Variants in FDFT1 observed in about 807,000 individuals in gnomAD.
FDFT1 encodes farnesyl-diphosphate farnesyltransferase 1, also known as squalene synthase.
Under a neutral mutation model 46.8 loss-of-function variants are expected in FDFT1, and 68 were observed. That is an observed-to-expected ratio of 1.45 (90% CI 1.19 to 1.78). The LOEUF (loss-of-function observed/expected upper bound fraction) is 1.78, where lower values mean the gene tolerates loss of function less well. FDFT1 is among the 40% of genes most tolerant of loss of function. FDFT1 has a pLI of 0.00. For missense variants in FDFT1, 928 were observed against 524.4 expected (o/e 1.77, Z -7.52); for synonymous variants, 351 against 185.1 (o/e 1.90, Z -7.28).
rs762206246 is a variant in FDFT1 at position 11,831,549 on chromosome 8, A to G, written c.911A>G (p.Tyr304Cys). ...GCCATTGCCACTTTGGCTGCCTGTT[A>G]TAATAACCAGCAGGTGTTCAAAGGG... ...VMAIATLAAC[Y>C]NNQQVFKGAV... Residue 304 changes from tyrosine (Y) to cysteine (C), a missense_variant, in exon 7 of 8, where the codon TAT becomes TGT. Physicochemically the swap from Tyr to Cys is radical, Grantham distance 194. Coordinates refer to ENST00000220584, the MANE Select transcript of FDFT1 (RefSeq NM_004462.5). 37 of 1,613,992 alleles carry G rather than the reference A, an allele frequency of 2.3e-5. No individual in the cohort carries two copies. Among genetic ancestry groups the G allele is most frequent in the Admixed American group, 3.3e-5 (2 of 60,010 alleles).
chr8:11,803,109 C>A (rs1193653041), intron 1 of FDFT1, 178 bp downstream of exon 1: 1 of 1,428,872 alleles, frequency 7.0e-7, no homozygotes, highest in African/African-American at 1.4e-5. Flanking sequence ...TGGACGCGGC[C>A]GTCCTGGCTG....
intron 4 of FDFT1, 44 bp downstream of exon 4, chr8:11,821,922 A>G: frequency 6.3e-7 from 1 of 1,597,762 alleles, no homozygotes; most frequent in Non-Finnish European, 8.6e-7. Context: ...TATTAGACAG[A>G]GCTGGCAGTC....
chr8:11,802,314 A>G (rs888296461), upstream of FDFT1: 2 of 399,870 alleles, frequency 5.0e-6, no homozygotes. Flanking sequence ...CCGAGGCCGG[A>G]CACGTGGGCG....
At position 11,816,610 on chromosome 8, in the gene FDFT1, G is replaced by A. The variant is rs145837927; in HGVS notation, c.382-5140G>A. 3.4e-3 allele frequency among the ~76,000 whole-genome samples: 516 copies of A among 152,172 alleles called. 4 individuals are homozygous for A. Among genetic ancestry groups the A allele is most frequent in the South Asian group, 9.5e-3 (46 of 4,820 alleles). On this transcript the variant is annotated intron_variant, in intron 3 of 7. Transcript: ENST00000220584. The stretch of plus-strand genomic sequence containing the variant: ...TCCCTTGTAAGTTGGATTCCTAGGT[G>A]TTGTATTCTCTTTGTAGCTATTGTG...
chr8:11,825,433 A>G (rs1035046586), intron 4 of FDFT1, among the ~76,000 whole-genome samples: 1 of 151,604 alleles, frequency 6.6e-6, no homozygotes, highest in Non-Finnish European at 1.5e-5. Flanking sequence ...CCAGCTACTC[A>G]GGAAGCTGAG....
Position 11,831,634 on chromosome 8 carries a change from A to G in FDFT1, c.996A>G (p.Pro332=), listed in dbSNP as rs372448616. ...TGATGATGGATGCCACCAATATGCC[A>G]GCTGTCAAAGCCATCATATATCAGT... ...VTLMMDATNM[P]AVKAIIYQYM... The change falls in exon 7 of 8, where the codon CCA becomes CCG. Residue 332 remains proline, a synonymous_variant. Transcript: ENST00000220584. 6.8e-6 allele frequency: 11 copies of G among 1,613,964 alleles called. No individual in the cohort carries two copies. The highest frequency in any genetic ancestry group is 3.3e-5 in the Admixed American group (2 of 60,012).
intron 2 of FDFT1, 79 bp from the exon 3 acceptor site, chr8:11,809,588 G>C (rs980913005): frequency 3.7e-5 from 52 of 1,417,376 alleles, no homozygotes; most frequent in Non-Finnish European, 4.4e-5. Flanking sequence ...TTTAGAAAGT[G>C]GCCAGGCACA....
intron 5 of FDFT1, among the ~76,000 whole-genome samples, chr8:11,827,487 C>T (rs1430460358): frequency 6.6e-6 from 1 of 151,400 alleles, no homozygotes; most frequent in African/African-American, 2.4e-5. Context: ...CACTGCACTC[C>T]AGCCTCGGTG....
chr8:11,825,927 C>T (rs1051070616), intron 4 of FDFT1, 97 bp from the exon 5 acceptor site: 1 of 707,536 alleles, frequency 1.4e-6, no homozygotes. Flanking sequence ...CTTACCCATT[C>T]TCTTTTGAAC....
At chr8:11,837,318 C>T (rs1407836980) in intron 7 of FDFT1, among the ~76,000 whole-genome samples, 1 of 152,206 alleles carries the variant, frequency 6.6e-6, no homozygotes, top group Non-Finnish European at 1.5e-5. Flanking sequence ...GCAACCTCCA[C>T]CTCCCAGGCT....
At chr8:11,826,340 T>G in intron 5 of FDFT1, 125 bp downstream of exon 5, 2 of 638,648 alleles carry the variant, frequency 3.1e-6, no homozygotes, top group South Asian at 2.7e-5. Context: ...TAAGGGGATG[T>G]GGAAAATAGG....
In FDFT1 at chr8:11,830,388, C is replaced by G. The variant is rs779489540; in HGVS notation, c.847C>G (p.Gln283Glu). 1.2e-6 allele frequency: 2 copies of G among 1,613,750 alleles called. No individual in the cohort carries two copies. The highest frequency in any genetic ancestry group is 1.7e-6 in the Non-Finnish European group (2 of 1,179,832). Residue 283 changes from glutamine to glutamate, a missense_variant, in exon 6 of 8, where the codon CAG (glutamine) becomes GAG (glutamate). By Grantham distance (29) the Gln-to-Glu change is conservative. Transcript: ENST00000220584. ...CACCTACCTTTCGAGACTCAGAAACCAGAGTGTGTTTAACTTCTGTGCTAT... is the reference window on the plus strand; with the variant it reads ...CACCTACCTTTCGAGACTCAGAAACGAGAGTGTGTTTAACTTCTGTGCTAT... ...VITYLSRLRNQSVFNFCAIPQ... is the reference protein window; with the variant it reads ...VITYLSRLRNESVFNFCAIPQ...
chr8:11,802,302 C>T (rs1474016610), upstream of FDFT1: 1 of 392,502 alleles, frequency 2.5e-6, no homozygotes, highest in African/African-American at 2.1e-5. Flanking sequence ...TGGCAGGAGC[C>T]ACCGAGGCCG....
chr8:11,817,112 C>A (rs1300916638), intron 3 of FDFT1, among the ~76,000 whole-genome samples: 1 of 152,154 alleles, frequency 6.6e-6, no homozygotes, highest in Admixed American at 6.5e-5. Flanking sequence ...GCCTTTCGTG[C>A]ATCTATTGAG....
Position 11,806,392 on chromosome 8 carries a change from T to C in FDFT1, c.100-2402T>C, listed in dbSNP as rs557365101. Among the ~76,000 whole-genome samples the C allele has an allele frequency of 4.2e-4, 64 of 152,282 alleles. No individual in the cohort carries two copies. In the South Asian group the frequency reaches 0.013, roughly 31 times the overall value. On this transcript the variant is annotated intron_variant, in intron 1 of 7. Coordinates refer to ENST00000220584, the MANE Select transcript of FDFT1 (RefSeq NM_004462.5). ...TGCTTACTAGTTGTGTCTTCCTGTT[T>C]TGTTCTTGGTGATTTGAAGAAACCT...
intron 3 of FDFT1, among the ~76,000 whole-genome samples, chr8:11,810,406 G>A (rs374824584): frequency 6.6e-6 from 1 of 152,172 alleles, no homozygotes; most frequent in African/African-American, 2.4e-5. Flanking sequence ...GTGTCTGTTG[G>A]CAGCTAGGGC....
chr8:11,808,410 G>T (rs889534965), intron 1 of FDFT1: 2 of 1,254,390 alleles, frequency 1.6e-6, no homozygotes, highest in African/African-American at 1.6e-5. Flanking sequence ...TTGTGGGTCG[G>T]CCCAGCGCGT....
rs1263106251 is a variant in FDFT1, at chr8:11,803,085, CT to C, written c.99+155del. 15 of 1,441,236 alleles carry C rather than the reference CT, an allele frequency of 1.0e-5. No individual in the cohort carries two copies. The African/African-American group carries it at 1.9e-4, about 18-fold the overall frequency. 89.3% of individuals were successfully genotyped at this position (1,441,236 alleles called of 1,614,324 possible). A position where few individuals can be genotyped will look rare whatever the true frequency, so the allele number is the denominator to read the frequency against. On this transcript the variant is annotated intron_variant, in intron 1 of 7. Coordinates refer to ENST00000220584, the MANE Select transcript of FDFT1 (RefSeq NM_004462.5). ...GTCCCCCTTTCCTCGAGCCTTCCCCCTGTAGGGCCCGGGTGGACGCGGCCGT... is the reference window on the plus strand; with the variant it reads ...GTCCCCCTTTCCTCGAGCCTTCCCCCGTAGGGCCCGGGTGGACGCGGCCGT...
At chr8:11,810,016 C>T in intron 3 of FDFT1, 166 bp downstream of exon 3, 1 of 555,272 alleles carries the variant, frequency 1.8e-6, no homozygotes, top group Non-Finnish European at 3.1e-6. Flanking sequence ...GCCAGGCTGC[C>T]TGGGTTGGAA....
Sources: allele counts gnomAD v4.1 joint callset (sites outside exome capture counted in the v4.1 genomes callset), GRCh38; gene constraint gnomAD v4.1.1; transcripts MANE v1.5; gene names NCBI Gene and HGNC (gene_info 2026-07-23, HGNC 2026-07-21).